FAM107A: variants seen among roughly 807,000 people sequenced by gnomAD.
FAM107A encodes the protein actin-associated protein FAM107A.
In FAM107A, 19 loss-of-function variants were observed where a neutral mutation model predicts 13.7. That is an observed-to-expected ratio of 1.38 (90% CI 0.97 to 2.03). FAM107A has a LOEUF of 2.03. Ranked by LOEUF, FAM107A falls within the 30% of genes most tolerant of loss-of-function variation. FAM107A has a pLI of 0.00. For synonymous variants in FAM107A, 82 were observed against 74.5 expected (o/e 1.10, Z -0.52); for missense variants, 203 against 184.4 (o/e 1.10, Z -0.58).
At chr3:58,603,144 T>C (rs1014845339) in intron 1 of FAM107A, among the ~76,000 whole-genome samples, 2 of 152,222 alleles carry the variant, frequency 1.3e-5, no homozygotes, top group Non-Finnish European at 2.9e-5. Flanking sequence ...TAAAGGAAGT[T>C]GATAACTCTG....
At chr3:58,592,893 A>G (rs1239622861) in intron 1 of FAM107A, among the ~76,000 whole-genome samples, 1 of 152,220 alleles carries the variant, frequency 6.6e-6, no homozygotes, top group Non-Finnish European at 1.5e-5. Context: ...CTTCTAGGCA[A>G]CTATCTTCCA....
At chr3:58,585,454 G>A (rs1482610963) in intron 1 of FAM107A, among the ~76,000 whole-genome samples, 3 of 152,250 alleles carry the variant, frequency 2.0e-5, no homozygotes, top group African/African-American at 7.2e-5. Flanking sequence ...GAGAACTGTG[G>A]TTCCAGTAAC....
At chr3:58,570,141 C>T (rs186705117) in intron 1 of FAM107A, among the ~76,000 whole-genome samples, 11 of 152,286 alleles carry the variant, frequency 7.2e-5, no homozygotes, top group Admixed American at 3.9e-4. Flanking sequence ...TCACAAAATA[C>T]GGGTTGACAC....
At chr3:58,576,769 GC>G (rs1264041727) in intron 1 of FAM107A, among the ~76,000 whole-genome samples, 1 of 152,224 alleles carries the variant, frequency 6.6e-6, no homozygotes, top group Non-Finnish European at 1.5e-5. Context: ...GCACCTAGCA[GC>G]CATATCTCAT....
chr3:58,567,568 G>T lies in FAM107A; in HGVS notation c.171-204C>A, dbSNP rs772005966. Among the ~76,000 whole-genome samples, 75 of 152,334 alleles carry T rather than the reference G, an allele frequency of 4.9e-4. No homozygotes were observed. In the Middle Eastern group the frequency reaches 0.01, roughly 21 times the overall value. ...GCTGAAGATACCAGTCCAAGACATAGCTACAGGTAGGCCACATGAGGATTT... is the reference window on the plus strand; with the variant it reads ...GCTGAAGATACCAGTCCAAGACATATCTACAGGTAGGCCACATGAGGATTT... On this transcript the variant is annotated intron_variant, in intron 2 of 3. Transcript: ENST00000360997.
In FAM107A at chr3:58,603,440, C is replaced by A. The variant is rs141894876; in HGVS notation, c.-69-14171G>T. Among the ~76,000 whole-genome samples, 853 of 152,204 alleles carry A rather than the reference C, an allele frequency of 5.6e-3. 12 individuals carry two copies. Among genetic ancestry groups the A allele is most frequent in the African/African-American group, 0.02 (817 of 41,516 alleles). ...GAGAGCTTGAAATGGGGACTTGCTG[C>A]AAGTGACTTCTTGAGGGACAGCTCT... On this transcript the variant is annotated intron_variant, in intron 1 of 3. Transcript: ENST00000465970.
chr3:58,567,364 C>A lies in FAM107A; in HGVS notation c.171G>T (p.Arg57Ser). ...CTGGCTTGCTGTCCACACCAAGGCC[C>A]CTGGGGTGGGAAGTGGGGAGCTGTC... Reference protein sequence around the residue: ...LHRELLMNHRRGLGVDSKPEL... With the variant: ...LHRELLMNHRSGLGVDSKPEL... Residue 57 changes from arginine to serine, a missense_variant and splice_region_variant, in exon 3 of 4, where the codon AGG (arginine) becomes AGT (serine). By Grantham distance (110) the Arg-to-Ser change is moderately radical. Transcript: ENST00000360997. 6.2e-7 allele frequency: 1 copy of A among 1,609,284 alleles called. No homozygotes were observed. The highest frequency in any genetic ancestry group is 8.5e-7 in the Non-Finnish European group (1 of 1,178,266).
rs57244654 is a variant in FAM107A, at chr3:58,599,696, A to ATTTTTTTTTTTTTTTTTTTTTT, written c.-69-10449_-69-10428dup. 6.4e-5 allele frequency among the ~76,000 whole-genome samples: 5 copies of ATTTTTTTTTTTTTTTTTTTTTT among 78,596 alleles called. 1 individual carries two copies. The highest frequency in any genetic ancestry group is 9.9e-5 in the African/African-American group (2 of 20,258). 51.6% of individuals were successfully genotyped at this position (78,596 alleles called of 152,430 possible). A position where few individuals can be genotyped will look rare whatever the true frequency, so the allele number is the denominator to read the frequency against. ...GTGGTATACTTAAAACAAGTGCACC[A>ATTTTTTTTTTTTTTTTTTTTTT]TTTTTTTTTTTTTTTTTTTTTTTTT... On this transcript the variant is annotated intron_variant, in intron 1 of 3. Transcript: ENST00000465970.
intron 1 of FAM107A, among the ~76,000 whole-genome samples, chr3:58,575,392 C>T (rs1344020982): frequency 1.3e-5 from 2 of 152,184 alleles, no homozygotes; most frequent in Non-Finnish European, 2.9e-5. Context: ...AACTATGGTA[C>T]TTCTGTCCTG....
chr3:58,590,693 G>C (rs1012700349), upstream of FAM107A, among the ~76,000 whole-genome samples: 4 of 152,292 alleles, frequency 2.6e-5, no homozygotes, highest in East Asian at 7.7e-4. Context: ...ATCAGCTCTT[G>C]TGAGAACTCA....
Position 58,566,534 on chromosome 3 carries a change from T to G in FAM107A, c.*54A>C. ...CCAGGGCTGCCAGGTACAGAAGGGC[T>G]GAAGGAGGCTGTCCAGGCCAGGGTG... On this transcript the variant is annotated 3_prime_UTR_variant, in exon 4 of 4. Coordinates refer to ENST00000360997, the MANE Select transcript of FAM107A (RefSeq NM_001076778.3). 1 of 1,320,262 alleles carries G rather than the reference T, an allele frequency of 7.6e-7. No individual in the cohort carries two copies. The highest frequency in any genetic ancestry group is 1.1e-6 in the Non-Finnish European group (1 of 915,984). 81.8% of individuals were successfully genotyped at this position (1,320,262 alleles called of 1,614,324 possible).
At chr3:58,599,907 C>A (rs1239456938) in intron 1 of FAM107A, among the ~76,000 whole-genome samples, 1 of 151,390 alleles carries the variant, frequency 6.6e-6, no homozygotes, top group South Asian at 2.1e-4. Context: ...AACTAGTGAC[C>A]TCCAGTGATC....
At chr3:58,627,373 G>T in intron 1 of FAM107A, 1 of 231,960 alleles carries the variant, frequency 4.3e-6, no homozygotes, top group Non-Finnish European at 8.4e-6. Context: ...GGCGCGGCGG[G>T]TGACCTCTGC....
chr3:58,594,641 A>G (rs180986477), intron 1 of FAM107A, among the ~76,000 whole-genome samples: 1 of 152,288 alleles, frequency 6.6e-6, no homozygotes, highest in East Asian at 1.9e-4. Flanking sequence ...TCAATTTGCA[A>G]ATAGGTCCGA....
intron 1 of FAM107A, among the ~76,000 whole-genome samples, chr3:58,571,958 G>T (rs539796029): frequency 6.6e-6 from 1 of 152,168 alleles, no homozygotes; most frequent in Non-Finnish European, 1.5e-5. Context: ...GTAGGAAATA[G>T]AATAAGTTGG....
At chr3:58,626,941 G>A (rs2106651094) in intron 1 of FAM107A, 1 of 1,535,158 alleles carries the variant, frequency 6.5e-7, no homozygotes, top group East Asian at 2.4e-5. Flanking sequence ...CCATGACCAG[G>A]GCCCCAACAG....
intron 1 of FAM107A, among the ~76,000 whole-genome samples, chr3:58,615,537 T>C (rs1020022462): frequency 6.6e-6 from 1 of 152,152 alleles, no homozygotes; most frequent in Admixed American, 6.6e-5. Context: ...TAATTTCAGA[T>C]GGTGGTAAGC....
chr3:58,623,016 T>C (rs759352526), intron 1 of FAM107A, among the ~76,000 whole-genome samples: 10 of 152,098 alleles, frequency 6.6e-5, no homozygotes, highest in Non-Finnish European at 1.3e-4. Flanking sequence ...GATGAGGTCC[T>C]CACACGTCAC....
upstream of FAM107A, chr3:58,589,125 TG>T: frequency 1.1e-6 from 1 of 882,218 alleles, no homozygotes; most frequent in Non-Finnish European, 1.8e-6. Context: ...AGGGAAATTG[TG>T]GCCATGGGAT....
Sources: gnomAD v4.1 joint callset for allele counts (sites outside exome capture counted in the v4.1 genomes callset) on GRCh38, gnomAD v4.1.1 for gene constraint, MANE v1.5 for transcripts, NCBI Gene and HGNC (gene_info 2026-07-23, HGNC 2026-07-21) for gene names.